The following MIEF1 variants were observed in gnomAD, a reference collection of about 807,000 sequenced individuals.
MIEF1 encodes the protein mitochondrial elongation factor 1, also known as mitochondrial dynamics protein MIEF1.
In MIEF1, 14 loss-of-function variants were observed where a neutral mutation model predicts 35.1. The observed-to-expected ratio is 0.40, with a 90% CI of 0.26 to 0.62. The LOEUF (loss-of-function observed/expected upper bound fraction) is 0.62. MIEF1 is among the 20% of genes least tolerant of loss of function. The pLI, the probability that MIEF1 is intolerant of heterozygous loss-of-function variation, is 0.43. For missense variants in MIEF1, 542 were observed against 615.4 expected, an observed-to-expected ratio of 0.88 and a Z score of 1.26; for synonymous variants, 245 against 254.3, an observed-to-expected ratio of 0.96 and a Z score of 0.35.
Position 39,514,362 on chromosome 22 carries a change from C to G in MIEF1, c.*39C>G, listed in dbSNP as rs1221264563. On this transcript the variant is annotated 3_prime_UTR_variant, in exon 6 of 6. Coordinates refer to ENST00000325301, the MANE Select transcript of MIEF1 (RefSeq NM_019008.6). ...CAAAGCGGGTGTTGGTGGTCAGGCC[C>G]TGGATTCTCCGTTAGATACACTTGG... 1 of 1,598,740 alleles carries G rather than the reference C, an allele frequency of 6.3e-7. No individual in the cohort carries two copies. Among genetic ancestry groups the G allele is most frequent in the East Asian group, 2.2e-5 (1 of 44,726 alleles).
At chr22:39,500,451 T>C (rs1929650942), upstream of MIEF1, 3 of 150,128 alleles carry the variant, frequency 2.0e-5, no homozygotes, top group Admixed American at 2.0e-4. Context: ...AAAAATAACA[T>C]TCCATAGAAC....
chr22:39,500,468 G>T (rs56657980), upstream of MIEF1: 1 of 150,522 alleles, frequency 6.6e-6, no homozygotes, highest in Non-Finnish European at 1.5e-5. Flanking sequence ...GAACAAGAAA[G>T]TCAGGAGAGA....
intron 2 of MIEF1, among the ~76,000 whole-genome samples, chr22:39,507,459 A>C (rs185502948): frequency 1.6e-4 from 25 of 151,740 alleles, no homozygotes; most frequent in East Asian, 7.9e-4. Flanking sequence ...GTTAGCCAGG[A>C]TGGTCTCGAT....
intron 2 of MIEF1, among the ~76,000 whole-genome samples, chr22:39,505,188 C>T (rs558739464): frequency 2.7e-5 from 4 of 149,432 alleles, no homozygotes; most frequent in South Asian, 4.3e-4. Context: ...AGTGACACTC[C>T]GTCTCCAAAA....
chr22:39,513,203 C>G (rs1930456338), intron 5 of MIEF1, among the ~76,000 whole-genome samples: 1 of 151,622 alleles, frequency 6.6e-6, no homozygotes, highest in African/African-American at 2.4e-5. Flanking sequence ...TGGGTTCAAG[C>G]AATTCTCCTG....
upstream of MIEF1, among the ~76,000 whole-genome samples, chr22:39,501,178 C>T (rs900179796): frequency 1.3e-5 from 2 of 152,162 alleles, no homozygotes; most frequent in Non-Finnish European, 2.9e-5. Flanking sequence ...CCCCTCTGGC[C>T]TCTTTCCCAG....
chr22:39,511,141 G>C, intron 2 of MIEF1, 147 bp from the exon 3 acceptor site: 1 of 951,124 alleles, frequency 1.1e-6, no homozygotes, highest in Admixed American at 3.2e-5. Flanking sequence ...GCTCCCTCCA[G>C]ACCCTAAAGC....
chr22:39,512,920 A>T (rs1464011629), intron 5 of MIEF1, among the ~76,000 whole-genome samples: 1 of 152,136 alleles, frequency 6.6e-6, no homozygotes, highest in Non-Finnish European at 1.5e-5. Context: ...AAATGCTGGG[A>T]TTACAGGCGT....
At chr22:39,512,071 G>T (rs769571831) in intron 4 of MIEF1, 45 bp downstream of exon 4, 2 of 1,591,750 alleles carry the variant, frequency 1.3e-6, no homozygotes, top group South Asian at 2.3e-5. Context: ...TGGACTTTCA[G>T]TACCACTCCT....
chr22:39,515,403 A>G lies in MIEF1; in HGVS notation c.*1080A>G, dbSNP rs1601754941. The G allele has an allele frequency of 2.8e-6, 2 of 708,242 alleles. No homozygotes were observed. The highest frequency in any genetic ancestry group is 3.0e-5 in the South Asian group (2 of 66,268). 43.9% of individuals were successfully genotyped at this position (708,242 alleles called of 1,614,324 possible). A position where few individuals can be genotyped will look rare whatever the true frequency, so the allele number is the denominator to read the frequency against. On this transcript the variant is annotated 3_prime_UTR_variant, in exon 6 of 6. Coordinates refer to ENST00000325301, the MANE Select transcript of MIEF1 (RefSeq NM_019008.6). ...TGGCCTTAGAGCAAGAACAGACCCA[A>G]CAGCCAGCCCTTCATCCTCCAGCGT...
At chr22:39,505,688 C>T (rs73887232) in intron 2 of MIEF1, among the ~76,000 whole-genome samples, 2,925 of 151,746 alleles carry the variant, frequency 0.019, 99 homozygotes, top group African/African-American at 0.066. Context: ...ACATTTGTAT[C>T]GTAGAGGGAG....
At chr22:39,510,448 C>G (rs1930272016) in intron 2 of MIEF1, among the ~76,000 whole-genome samples, 1 of 152,048 alleles carries the variant, frequency 6.6e-6, no homozygotes, top group South Asian at 2.1e-4. Flanking sequence ...TTATCTTTTA[C>G]TTTTGGAGAT....
intron 2 of MIEF1, 141 bp downstream of exon 2, chr22:39,504,675 G>A (rs1008280953): frequency 3.1e-6 from 1 of 319,856 alleles, no homozygotes; most frequent in Non-Finnish European, 5.6e-6. Context: ...CAACTCTGCA[G>A]GAGGCTGAGG....
chr22:39,500,539 A>G (rs1929654299), upstream of MIEF1: 1 of 151,112 alleles, frequency 6.6e-6, no homozygotes, highest in Non-Finnish European at 1.5e-5. Context: ...TTTGGGTCAC[A>G]AAATTCTTTA....
At chr22:39,507,260 C>A (rs1930062399) in intron 2 of MIEF1, among the ~76,000 whole-genome samples, 1 of 151,840 alleles carries the variant, frequency 6.6e-6, no homozygotes, top group Non-Finnish European at 1.5e-5. Flanking sequence ...GCCTTTTTTT[C>A]TTGAGATGGA....
chr22:39,511,476 T>C (rs776812861), intron 3 of MIEF1, 38 bp downstream of exon 3: 22 of 1,509,780 alleles, frequency 1.5e-5, no homozygotes, highest in Middle Eastern at 1.7e-4. Flanking sequence ...TGGAATGTAG[T>C]GGTATGGTCA....
chr22:39,505,984 T>G (rs1929994877), intron 2 of MIEF1, among the ~76,000 whole-genome samples: 1 of 152,158 alleles, frequency 6.6e-6, no homozygotes, highest in Non-Finnish European at 1.5e-5. Context: ...CTCAGCCACT[T>G]AGGATTGGCA....
chr22:39,514,511 A>G lies in MIEF1; in HGVS notation c.*188A>G, dbSNP rs1601753972. 1 of 629,254 alleles carries G rather than the reference A, an allele frequency of 1.6e-6. No homozygotes were observed. Among genetic ancestry groups the G allele is most frequent in the East Asian group, 2.8e-5 (1 of 35,920 alleles). 39.0% of individuals were successfully genotyped at this position (629,254 alleles called of 1,614,324 possible). A position where few individuals can be genotyped will look rare whatever the true frequency, so the allele number is the denominator to read the frequency against. ...CCTATTTTGTTACCCAACTCTTCCT[A>G]TTTTTGTTACCAATCACTGTGCTCT... On this transcript the variant is annotated 3_prime_UTR_variant, in exon 6 of 6. Transcript: ENST00000325301.
rs1390737019 is a variant in MIEF1 at position 39,516,879 on chromosome 22, AC to A, written c.*2558del. The A allele has an allele frequency of 6.6e-6, 1 of 152,178 alleles. No individual in the cohort carries two copies. The highest frequency in any genetic ancestry group is 1.5e-5 in the Non-Finnish European group (1 of 68,046). The allele number at this position is 152,178 out of a possible 1,614,324, so 9.4% of individuals were successfully genotyped here. A position where few individuals can be genotyped will look rare whatever the true frequency, so the allele number is the denominator to read the frequency against. The stretch of plus-strand genomic sequence containing the variant: ...TAACTTTGTCATTTTACAAGGAAGA[AC>A]CTCTTAAGAAGTCCTCAGAACCAGA... On this transcript the variant is annotated 3_prime_UTR_variant, in exon 6 of 6. Transcript: ENST00000325301.
Sources: gnomAD v4.1 joint callset for allele counts (sites outside exome capture counted in the v4.1 genomes callset) on GRCh38, gnomAD v4.1.1 for gene constraint, MANE v1.5 for transcripts, NCBI Gene and HGNC (gene_info 2026-07-23, HGNC 2026-07-21) for gene names.